MAST4: variants seen among roughly 807,000 people sequenced by gnomAD.
The protein encoded by MAST4 is microtubule-associated serine/threonine-protein kinase 4.
In MAST4, 89 loss-of-function variants were observed where a neutral mutation model predicts 162.7. The observed-to-expected ratio is 0.55, with a 90% CI of 0.46 to 0.65. MAST4 has a LOEUF of 0.65. Among genes scored for constraint, MAST4 ranks in the 30% least tolerant of loss-of-function variants. The pLI, the probability that MAST4 is intolerant of heterozygous loss-of-function variation, is 0.00. For synonymous variants in MAST4, 1,479 were observed against 1,361.1 expected (o/e 1.09, Z -1.91); for missense variants, 3,153 against 3,374.0 (o/e 0.93, Z 1.62).
At chr5:66,984,013 C>A (rs1389842025) in intron 4 of MAST4, among the ~76,000 whole-genome samples, 1 of 152,158 alleles carries the variant, frequency 6.6e-6, no homozygotes, top group Non-Finnish European at 1.5e-5. Context: ...GAAGCTACCA[C>A]CAGCCAGGCT....
intron 2 of MAST4, among the ~76,000 whole-genome samples, chr5:66,762,720 T>G (rs1753909731): frequency 6.6e-6 from 1 of 152,268 alleles, no homozygotes; most frequent in Non-Finnish European, 1.5e-5. Flanking sequence ...GGCCCATGCC[T>G]GATCTAATCT....
intron 3 of MAST4, among the ~76,000 whole-genome samples, chr5:66,810,850 A>T (rs1165307071): frequency 6.6e-6 from 1 of 152,216 alleles, no homozygotes; most frequent in Admixed American, 6.6e-5. Flanking sequence ...GAACTTGAGC[A>T]GAGAGGGGAG....
At chr5:66,753,038 C>A (rs1456958108) in intron 1 of MAST4, among the ~76,000 whole-genome samples, 3 of 150,880 alleles carry the variant, frequency 2.0e-5, no homozygotes, top group Non-Finnish European at 4.4e-5. Context: ...GAACAACCTG[C>A]TCCTGAATGA....
At position 66,759,836 on chromosome 5, in the gene MAST4, G is replaced by A. The variant is rs1350016604; in HGVS notation, c.491G>A (p.Arg164Gln). The change falls in exon 2 of 29, where the codon CGA becomes CAA. Residue 164 changes from arginine to glutamine, a missense_variant. Around this residue, in one of 7 missense-constraint regions of MAST4, gnomAD observed 327 missense variants for 336.5 expected, o/e 0.97. Transcript: ENST00000403625. ...AGTGAGGATGGAAGACAGCTAAGGCGAGGGAGCCTGGGAGGAGCCCTGACT... is the reference window on the plus strand; with the variant it reads ...AGTGAGGATGGAAGACAGCTAAGGCAAGGGAGCCTGGGAGGAGCCCTGACT... ...QLSEDGRQLR[R>Q]GSLGGALTGR... The A allele has an allele frequency of 1.2e-6, 2 of 1,613,786 alleles. No homozygotes were observed. Among genetic ancestry groups the A allele is most frequent in the Admixed American group, 1.7e-5 (1 of 59,996 alleles).
intron 5 of MAST4, among the ~76,000 whole-genome samples, chr5:67,084,363 G>A (rs912190577): frequency 2.6e-5 from 4 of 152,134 alleles, no homozygotes; most frequent in Admixed American, 2.6e-4. Context: ...TAAGGATCCA[G>A]AATTGATTTC....
chr5:66,896,155 CT>C (rs1561423642), intron 3 of MAST4, among the ~76,000 whole-genome samples: 3 of 151,970 alleles, frequency 2.0e-5, no homozygotes, highest in Non-Finnish European at 4.4e-5. Flanking sequence ...TCAATTTATT[CT>C]TTTTTTTCAC....
intron 3 of MAST4, among the ~76,000 whole-genome samples, chr5:66,898,756 ACT>A (rs1178412819): frequency 2.6e-5 from 4 of 152,184 alleles, no homozygotes; most frequent in Admixed American, 6.5e-5. Context: ...GATTGCTGTA[ACT>A]CTGTATGGAA....
chr5:66,928,174 A>G (rs532786503), intron 4 of MAST4, among the ~76,000 whole-genome samples: 2 of 152,224 alleles, frequency 1.3e-5, no homozygotes, highest in Non-Finnish European at 2.9e-5. Flanking sequence ...GGCACAATTC[A>G]GTGCATAATA....
intron 6 of MAST4, 67 bp downstream of exon 6, chr5:67,090,298 C>T (rs1763689911): frequency 9.0e-7 from 1 of 1,108,132 alleles, no homozygotes; most frequent in Non-Finnish European, 1.3e-6. Context: ...TCTCCCTCTC[C>T]CCACTTCTCC....
intron 21 of MAST4, 144 bp from the exon 22 acceptor site, chr5:67,144,525 A>G: frequency 1.3e-6 from 1 of 778,872 alleles, no homozygotes; most frequent in Non-Finnish European, 2.0e-6. Flanking sequence ...ATTCTGGTTA[A>G]CAACACTGGA....
intron 1 of MAST4, among the ~76,000 whole-genome samples, chr5:66,717,341 C>A (rs535203208): frequency 6.6e-6 from 1 of 152,246 alleles, no homozygotes; most frequent in East Asian, 1.9e-4. Context: ...TAAAACATTT[C>A]TTCTCTAATT....
intron 4 of MAST4, among the ~76,000 whole-genome samples, chr5:67,040,192 A>G (rs1215757838): frequency 3.9e-5 from 6 of 152,150 alleles, no homozygotes; most frequent in Non-Finnish European, 5.9e-5. Flanking sequence ...ATCTAGAAAT[A>G]AGAAACCAGA....
chr5:66,705,581 A>G (rs1329654805), intron 1 of MAST4, among the ~76,000 whole-genome samples: 1 of 152,228 alleles, frequency 6.6e-6, no homozygotes, highest in African/African-American at 2.4e-5. Context: ...ATGCTGTGAA[A>G]TGAAAACCTA....
chr5:66,653,343 C>T (rs1424980482), intron 1 of MAST4, among the ~76,000 whole-genome samples: 1 of 152,152 alleles, frequency 6.6e-6, no homozygotes, highest in African/African-American at 2.4e-5. Flanking sequence ...CTCTCTTTCC[C>T]TTGTCAGTAC....
At chr5:66,786,639 T>C (rs1755130554) in intron 2 of MAST4, among the ~76,000 whole-genome samples, 1 of 152,208 alleles carries the variant, frequency 6.6e-6, no homozygotes, top group Non-Finnish European at 1.5e-5. Context: ...GTTTTCCTGC[T>C]CTTCCTCATT....
At chr5:66,753,473 C>T (rs1350594748) in intron 1 of MAST4, among the ~76,000 whole-genome samples, 3 of 151,672 alleles carry the variant, frequency 2.0e-5, no homozygotes, top group African/African-American at 7.3e-5. Flanking sequence ...GGGGATATCA[C>T]CACCGATCCC....
chr5:66,845,283 A>C (rs1364273107), intron 3 of MAST4, among the ~76,000 whole-genome samples: 5 of 151,118 alleles, frequency 3.3e-5, no homozygotes, highest in Non-Finnish European at 7.4e-5. Flanking sequence ...TCCACCCCAC[A>C]ACAGGCCCCG....
chr5:67,095,000 C>A (rs1018430061), intron 6 of MAST4, among the ~76,000 whole-genome samples: 6 of 152,138 alleles, frequency 3.9e-5, no homozygotes, highest in Non-Finnish European at 8.8e-5. Flanking sequence ...AGGTCATGTC[C>A]GAAGGCAGTA....
intron 1 of MAST4, among the ~76,000 whole-genome samples, chr5:66,687,877 TA>T (rs1334936391): frequency 1.3e-5 from 2 of 152,218 alleles, no homozygotes; most frequent in Non-Finnish European, 2.9e-5. Flanking sequence ...AAGTTTACCT[TA>T]AAAAATGACT....
Sources: allele counts gnomAD v4.1 joint callset (sites outside exome capture counted in the v4.1 genomes callset), GRCh38; gene constraint gnomAD v4.1.1; regional missense constraint gnomAD v4.1.1; transcripts MANE v1.5; gene names NCBI Gene and HGNC (gene_info 2026-07-23, HGNC 2026-07-21).